The following PTPRD variants were observed in gnomAD, a reference collection of about 807,000 sequenced individuals.
The protein encoded by PTPRD is protein tyrosine phosphatase receptor type D.
A neutral mutation model predicts 214.5 loss-of-function variants in PTPRD; 34 were observed. The ratio of observed to expected loss-of-function variants is 0.16; its 90% confidence interval spans 0.12 to 0.21. The LOEUF is 0.21. Among genes scored for constraint, PTPRD ranks in the 10% least tolerant of loss-of-function variants. PTPRD has a pLI of 1.00. For missense variants in PTPRD, 2,545 were observed against 2,398.7 expected (o/e 1.06, Z -1.27); for synonymous variants, 1,128 against 845.7 (o/e 1.33, Z -5.79).
intron 32 of PTPRD, among the ~76,000 whole-genome samples, chr9:8,460,892 T>G (rs918016734): frequency 3.3e-5 from 5 of 152,194 alleles, no homozygotes; most frequent in African/African-American, 1.2e-4. Flanking sequence ...GTACCAGTAA[T>G]TAACCAGTTG....
At chr9:8,363,600 C>T (rs1009278208) in intron 39 of PTPRD, among the ~76,000 whole-genome samples, 8 of 152,190 alleles carry the variant, frequency 5.3e-5, no homozygotes, top group African/African-American at 1.4e-4. Flanking sequence ...TTGCTCTTCT[C>T]ATCCAGTCCT....
chr9:10,524,987 C>A (rs1257445521), intron 2 of PTPRD, among the ~76,000 whole-genome samples: 1 of 151,108 alleles, frequency 6.6e-6, no homozygotes, highest in African/African-American at 2.4e-5. Flanking sequence ...TAGATCACAA[C>A]ACTAAGACCT....
At chr9:8,793,892 T>A (rs1459585775) in intron 11 of PTPRD, among the ~76,000 whole-genome samples, 1 of 152,202 alleles carries the variant, frequency 6.6e-6, no homozygotes, top group Non-Finnish European at 1.5e-5. Flanking sequence ...GTCTCAAAAC[T>A]GAAGGCTATC....
chr9:8,830,829 A>G (rs890259149), intron 11 of PTPRD, among the ~76,000 whole-genome samples: 3 of 152,178 alleles, frequency 2.0e-5, no homozygotes, highest in African/African-American at 7.2e-5. Context: ...AAGAAATCCC[A>G]AAACCCTACT....
chr9:9,701,609 G>A (rs1309356856), intron 7 of PTPRD, among the ~76,000 whole-genome samples: 1 of 152,180 alleles, frequency 6.6e-6, no homozygotes, highest in Admixed American at 6.6e-5. Context: ...GGTGGGGATG[G>A]CAAATGGGAG....
chr9:10,279,768 T>G (rs2094980596), intron 3 of PTPRD, among the ~76,000 whole-genome samples: 1 of 151,836 alleles, frequency 6.6e-6, no homozygotes, highest in Non-Finnish European at 1.5e-5. Context: ...TTCAGAACAC[T>G]ATAAGGGATC....
chr9:10,363,991 G>GTTTTTTTTTTTTTTTTTTTTTTTTTT lies in PTPRD; in HGVS notation c.-599-23000_-599-22975dup, dbSNP rs71270610. Among the ~76,000 whole-genome samples, 4 of 35,132 alleles carry GTTTTTTTTTTTTTTTTTTTTTTTTTT rather than the reference G, an allele frequency of 1.1e-4. 1 individual carries two copies. Among genetic ancestry groups the GTTTTTTTTTTTTTTTTTTTTTTTTTT allele is most frequent in the African/African-American group, 3.7e-4 (3 of 8,092 alleles). 23.0% of individuals were successfully genotyped at this position (35,132 alleles called of 152,430 possible). On this transcript the variant is annotated intron_variant, in intron 2 of 45. Coordinates refer to ENST00000381196, the MANE Select transcript of PTPRD (RefSeq NM_002839.4). ...ATTATTATTGCCTCCACATTTTCGG[G>GTTTTTTTTTTTTTTTTTTTTTTTTTT]TTTTTTTTTTTTTTTTTTTTTTTTT...
chr9:9,634,408 A>G (rs1239184387), intron 7 of PTPRD, among the ~76,000 whole-genome samples: 1 of 152,174 alleles, frequency 6.6e-6, no homozygotes, highest in Non-Finnish European at 1.5e-5. Context: ...CAGTGCAACT[A>G]GAAGACTGAA....
At chr9:9,207,782 T>C (rs1329824055) in intron 9 of PTPRD, among the ~76,000 whole-genome samples, 4 of 152,040 alleles carry the variant, frequency 2.6e-5, no homozygotes, top group South Asian at 4.1e-4. Flanking sequence ...CTATTTGTCA[T>C]AGTAAAAGAG....
chr9:9,645,566 T>C (rs1594061440), intron 7 of PTPRD, among the ~76,000 whole-genome samples: 1 of 151,390 alleles, frequency 6.6e-6, no homozygotes, highest in African/African-American at 2.4e-5. Context: ...TTTTAAGCTG[T>C]AATCTATCCC....
At chr9:9,838,458 A>T (rs1292605601) in intron 5 of PTPRD, among the ~76,000 whole-genome samples, 3 of 152,042 alleles carry the variant, frequency 2.0e-5, no homozygotes, top group African/African-American at 7.2e-5. Flanking sequence ...AATGATTGCC[A>T]TTCTAACTGG....
At chr9:10,281,223 G>C (rs2095091431) in intron 3 of PTPRD, among the ~76,000 whole-genome samples, 2 of 152,118 alleles carry the variant, frequency 1.3e-5, no homozygotes, top group South Asian at 2.1e-4. Flanking sequence ...AAGTTTTCCA[G>C]GGACTTAAAT....
chr9:10,115,670 A>T (rs2098725197), intron 3 of PTPRD, among the ~76,000 whole-genome samples: 2 of 152,142 alleles, frequency 1.3e-5, no homozygotes, highest in Admixed American at 1.3e-4. Context: ...TTCCCCACTA[A>T]GGGAAAGATT....
intron 21 of PTPRD, among the ~76,000 whole-genome samples, chr9:8,508,651 A>C (rs1464582673): frequency 6.6e-6 from 1 of 152,202 alleles, no homozygotes; most frequent in Non-Finnish European, 1.5e-5. Context: ...AAAACATCTA[A>C]AGTGGCAACC....
At chr9:9,371,913 T>C (rs2059613869) in intron 9 of PTPRD, among the ~76,000 whole-genome samples, 1 of 152,208 alleles carries the variant, frequency 6.6e-6, no homozygotes, top group African/African-American at 2.4e-5. Flanking sequence ...TTCCATGTAG[T>C]TGAGCAGTTT....
intron 12 of PTPRD, among the ~76,000 whole-genome samples, chr9:8,703,961 T>C (rs1321937074): frequency 6.6e-6 from 1 of 152,188 alleles, no homozygotes; most frequent in African/African-American, 2.4e-5. Context: ...CAACAGGTGC[T>C]CTTAACACAA....
chr9:9,409,531 A>G (rs1042767093), intron 8 of PTPRD, among the ~76,000 whole-genome samples: 1 of 152,086 alleles, frequency 6.6e-6, no homozygotes, highest in Non-Finnish European at 1.5e-5. Flanking sequence ...AAGTAAATTC[A>G]AAAAACAAAT....
chr9:10,194,545 A>T (rs979350161), intron 3 of PTPRD, among the ~76,000 whole-genome samples: 4 of 151,744 alleles, frequency 2.6e-5, no homozygotes, highest in Non-Finnish European at 5.9e-5. Context: ...TGTTTGAATT[A>T]CTCCTATTCT....
intron 9 of PTPRD, among the ~76,000 whole-genome samples, chr9:9,285,756 C>A (rs1314165413): frequency 6.6e-6 from 1 of 151,786 alleles, no homozygotes; most frequent in Non-Finnish European, 1.5e-5. Context: ...ATGGCACTAA[C>A]TTTGATCCTC....
Sources: allele counts gnomAD v4.1 joint callset (sites outside exome capture counted in the v4.1 genomes callset), GRCh38; gene constraint gnomAD v4.1.1; transcripts MANE v1.5; gene names NCBI Gene and HGNC (gene_info 2026-07-23, HGNC 2026-07-21).